Variants in CPM observed in about 807,000 individuals in gnomAD.
CPM encodes the protein renal carboxypeptidase.
In CPM, 35 loss-of-function variants were observed where a neutral mutation model predicts 46.4. The ratio of observed to expected loss-of-function variants is 0.75; its 90% CI spans 0.58 to 1.00. CPM has a LOEUF of 1.00. CPM is among the 50% of genes least tolerant of loss of function. The probability of loss-of-function intolerance (pLI) is 0.00; values close to 1 mark genes in which losing one functional copy is unlikely to be tolerated. For missense variants in CPM, 422 were observed against 530.4 expected (o/e 0.80, Z 2.01); for synonymous variants, 195 against 195.3 (o/e 1.00, Z 0.01).
At chr12:68,949,072 C>T (rs1393611548) in intron 1 of CPM, among the ~76,000 whole-genome samples, 1 of 152,160 alleles carries the variant, frequency 6.6e-6, no homozygotes, top group African/African-American at 2.4e-5. Context: ...GTATTAGAAA[C>T]TATTTTTGTT....
chr12:68,955,512 G>C (rs1306586659), intron 1 of CPM, among the ~76,000 whole-genome samples: 1 of 150,120 alleles, frequency 6.7e-6, no homozygotes, highest in Non-Finnish European at 1.5e-5. Context: ...GGTGGGGGGG[G>C]CATGTTTCAG....
intron 2 of CPM, among the ~76,000 whole-genome samples, chr12:68,910,671 T>C (rs1000857921): frequency 3.9e-5 from 6 of 152,206 alleles, no homozygotes; most frequent in Non-Finnish European, 5.9e-5. Context: ...GCAAAACACA[T>C]ATAACAAAAT....
chr12:68,842,549 G>A (rs1883866883), intron 5 of CPM: 2 of 347,938 alleles, frequency 5.7e-6, no homozygotes, highest in Middle Eastern at 9.2e-4. Flanking sequence ...TAATATGGAT[G>A]TTTGATCGCA....
rs1377088280 is a variant in CPM at position 68,852,144 on chromosome 12, A to G, written c.*4293T>C. 2.0e-5 allele frequency: 3 copies of G among 152,232 alleles called. No homozygotes were observed. Among genetic ancestry groups the G allele is most frequent in the Admixed American group, 2.0e-4 (3 of 15,282 alleles). 9.4% of individuals were successfully genotyped at this position (152,232 alleles called of 1,614,324 possible). ...ACAAAACATAACATTGATTTCTTGGAAAGACTTTTGGAAATGTTGAGAAAA... is the reference window on the plus strand; with the variant it reads ...ACAAAACATAACATTGATTTCTTGGGAAGACTTTTGGAAATGTTGAGAAAA... On this transcript the variant is annotated 3_prime_UTR_variant, in exon 9 of 9. Transcript: ENST00000551568.
At chr12:68,879,817 CAA>C (rs1447179868) in intron 3 of CPM, among the ~76,000 whole-genome samples, 1 of 152,104 alleles carries the variant, frequency 6.6e-6, no homozygotes, top group East Asian at 1.9e-4. Flanking sequence ...AAGCACAAAA[CAA>C]AGAGTAGGGA....
At chr12:68,954,736 A>G (rs985101067) in intron 1 of CPM, among the ~76,000 whole-genome samples, 2 of 152,168 alleles carry the variant, frequency 1.3e-5, no homozygotes, top group Non-Finnish European at 2.9e-5. Context: ...ACATTTTAAA[A>G]AAGCAATTTT....
chr12:68,870,128 A>C (rs1885625247), intron 5 of CPM, 87 bp downstream of exon 5: 1 of 1,304,178 alleles, frequency 7.7e-7, no homozygotes, highest in African/African-American at 1.5e-5. Flanking sequence ...TAAGAGGGGA[A>C]GGGAGAGCTG....
chr12:68,911,396 G>A (rs1334949854), intron 2 of CPM, among the ~76,000 whole-genome samples: 1 of 152,234 alleles, frequency 6.6e-6, no homozygotes, highest in Non-Finnish European at 1.5e-5. Context: ...TAGACTTGAA[G>A]CTTCAGTCCT....
chr12:68,877,594 A>G (rs1383425916), intron 3 of CPM, among the ~76,000 whole-genome samples: 1 of 152,262 alleles, frequency 6.6e-6, no homozygotes, highest in Non-Finnish European at 1.5e-5. Context: ...AAACATGCTT[A>G]AAATGAATTA....
intron 3 of CPM, among the ~76,000 whole-genome samples, chr12:68,885,110 A>AT (rs1359266166): frequency 6.6e-6 from 1 of 151,914 alleles, no homozygotes; most frequent in East Asian, 1.9e-4. Context: ...CACCTGGCTA[A>AT]TTTTTTGCAT....
intron 2 of CPM, among the ~76,000 whole-genome samples, chr12:68,921,420 G>A (rs1408462694): frequency 2.0e-5 from 3 of 152,204 alleles, no homozygotes; most frequent in African/African-American, 4.8e-5. Flanking sequence ...GGAGTTACAG[G>A]TGTGAACCAC....
intron 2 of CPM, 113 bp downstream of exon 2, chr12:68,932,565 T>C: frequency 1.6e-6 from 2 of 1,266,042 alleles, no homozygotes; most frequent in Non-Finnish European, 2.2e-6. Context: ...TGACTTGTTC[T>C]GTGCCACTCA....
At chr12:68,924,476 T>C (rs1179004018) in intron 2 of CPM, among the ~76,000 whole-genome samples, 2 of 57,448 alleles carry the variant, frequency 3.5e-5, no homozygotes, top group African/African-American at 1.0e-4. Context: ...CGAGACTCCA[T>C]ATAGAAAAAA....
chr12:68,902,744 C>T lies in CPM; in HGVS notation c.161-16855G>A, dbSNP rs954758493. Among the ~76,000 whole-genome samples, 25 of 152,200 alleles carry T rather than the reference C, an allele frequency of 1.6e-4. 1 individual carries two copies. The highest frequency in any genetic ancestry group is 5.8e-4 in the African/African-American group (24 of 41,452). ...CTCATTTTACAAATGACGAGATGGGCTCAGACAGCCTGGGCTTTGAACTGT... is the reference window on the plus strand; with the variant it reads ...CTCATTTTACAAATGACGAGATGGGTTCAGACAGCCTGGGCTTTGAACTGT... On this transcript the variant is annotated intron_variant, in intron 2 of 8. Coordinates refer to ENST00000551568, the MANE Select transcript of CPM (RefSeq NM_198320.5).
intron 3 of CPM, among the ~76,000 whole-genome samples, chr12:68,884,461 A>G (rs1477990545): frequency 6.6e-6 from 1 of 152,130 alleles, no homozygotes; most frequent in Non-Finnish European, 1.5e-5. Flanking sequence ...GGCGGAGTGT[A>G]CCATGAAGGG....
In CPM at chr12:68,947,449, T is replaced by C. The variant is rs117774110; in HGVS notation, c.-3-14609A>G. On this transcript the variant is annotated intron_variant, in intron 1 of 8. Coordinates refer to the CPM transcript ENST00000546373. ...ATATCTCTACTAAAAATATGAAAAA[T>C]AGCCAGGCATGGTGGCATGCACCTG... 7.9e-5 allele frequency among the ~76,000 whole-genome samples: 12 copies of C among 151,654 alleles called. No individual in the cohort carries two copies. The East Asian group carries it at 2.2e-3, about 27-fold the overall frequency.
chr12:68,944,829 T>C lies in CPM; in HGVS notation c.-3-11989A>G, dbSNP rs558492454. 2.6e-5 allele frequency among the ~76,000 whole-genome samples: 4 copies of C among 152,006 alleles called. No individual in the cohort carries two copies. In the South Asian group the frequency reaches 8.3e-4, roughly 32 times the overall value. On this transcript the variant is annotated intron_variant, in intron 1 of 8. Coordinates refer to the CPM transcript ENST00000546373. Reference sequence around the variant, plus strand: ...ACTCAGACGTTAGGATTTTTAAAGATAGTTTGGTGGGCGGGGACTAGGTAA... The same window carrying C: ...ACTCAGACGTTAGGATTTTTAAAGACAGTTTGGTGGGCGGGGACTAGGTAA...
rs919486367 is a variant in CPM at position 68,933,132 on chromosome 12, C to T, written c.-4+10G>A. On this transcript the variant is annotated intron_variant, in intron 1 of 8. Coordinates refer to ENST00000551568, the MANE Select transcript of CPM (RefSeq NM_198320.5). ...CAGCTGCGCCCGGCCCCGCGCACCC[C>T]CAGCCTCACCAGGTCCCAGGCGCGC... The T allele has an allele frequency of 7.4e-6, 2 of 270,498 alleles. No individual in the cohort carries two copies. The highest frequency in any genetic ancestry group is 1.4e-5 in the Non-Finnish European group (2 of 142,944). 16.8% of individuals were successfully genotyped at this position (270,498 alleles called of 1,614,324 possible).
At chr12:68,921,837 CATATA>C (rs1565798690) in intron 2 of CPM, among the ~76,000 whole-genome samples, 1 of 152,008 alleles carries the variant, frequency 6.6e-6, no homozygotes, top group Non-Finnish European at 1.5e-5. Context: ...TATAAAGTTA[CATATA>C]ATATATGTAA....
Sources: gnomAD v4.1 joint callset for allele counts (sites outside exome capture counted in the v4.1 genomes callset) on GRCh38, gnomAD v4.1.1 for gene constraint, MANE v1.5 for transcripts, NCBI Gene and HGNC (gene_info 2026-07-23, HGNC 2026-07-21) for gene names.